Variants in DMD observed in about 807,000 individuals in gnomAD.
DMD encodes mutant dystrophin.
DMD carries 63 observed loss-of-function variants against 330.1 expected under a neutral mutation model. That is an observed-to-expected ratio of 0.19 (90% CI 0.16 to 0.24). The LOEUF (loss-of-function observed/expected upper bound fraction) is 0.24. Among genes scored for constraint, DMD ranks in the 10% least tolerant of loss-of-function variants. The pLI, the probability that DMD is intolerant of heterozygous loss-of-function variation, is 1.00. For missense variants in DMD, 3,344 were observed against 2,684.1 expected (o/e 1.25, Z -5.43); for synonymous variants, 1,223 against 959.8 (o/e 1.27, Z -5.07).
intron 7 of DMD, among the ~76,000 whole-genome samples, chrX:32,789,810 T>A (rs1338448116): frequency 8.9e-6 from 1 of 111,932 alleles, no homozygotes; most frequent in African/African-American, 3.2e-5. Context: ...AAAAGGAACT[T>A]GCAAATTTGA....
rs756542804 is a variant in DMD, at chrX:31,749,965, T to C, written c.7543-20217A>G. The stretch of plus-strand genomic sequence containing the variant: ...TTCTTTTGAGAAGTGTCTGTTCATG[T>C]CCTTCGCCCACTTTTGGATGGGGTT... On this transcript the variant is annotated intron_variant, in intron 51 of 78. Transcript: ENST00000357033. 8.9e-3 allele frequency among the ~76,000 whole-genome samples: 956 copies of C among 107,969 alleles called. 4 individuals carry two copies. The highest frequency in any genetic ancestry group is 0.013 in the Non-Finnish European group (664 of 52,178). 93.8% of individuals were successfully genotyped at this position (107,969 alleles called of 115,157 possible). A position where few individuals can be genotyped will look rare whatever the true frequency, so the allele number is the denominator to read the frequency against.
rs754785624 is a variant in DMD at position 32,180,094 on chromosome X, T to C, written c.6438+36822A>G. Among the ~76,000 whole-genome samples, 5 of 112,323 alleles carry C rather than the reference T, an allele frequency of 4.5e-5. No individual in the cohort carries two copies. In the South Asian group the frequency reaches 1.9e-3, roughly 42 times the overall value. ...TTCTCGATTGATGTCTGATGGAGAC[T>C]AAGTGCTTAATATGAAAACAGAACT... On this transcript the variant is annotated intron_variant, in intron 44 of 78. Transcript: ENST00000357033.
chrX:32,905,317 C>T (rs897391638), intron 2 of DMD, among the ~76,000 whole-genome samples: 2 of 111,349 alleles, frequency 1.8e-5, no homozygotes, highest in Non-Finnish European at 1.9e-5. Flanking sequence ...TAGACTAATC[C>T]CCTTAGCAAA....
chrX:33,030,748 A>T (rs1485401791), intron 1 of DMD, among the ~76,000 whole-genome samples: 1 of 111,552 alleles, frequency 9.0e-6, no homozygotes, highest in African/African-American at 3.3e-5. Context: ...CCTACTCAAT[A>T]TTACTTTTAA....
chrX:32,323,740 G>A (rs2097634242), intron 41 of DMD, among the ~76,000 whole-genome samples: 1 of 111,253 alleles, frequency 9.0e-6, no homozygotes, highest in Non-Finnish European at 1.9e-5. Flanking sequence ...AGATGCAGTA[G>A]AGTGCAGTGA....
chrX:32,853,481 T>C (rs2081295215), intron 2 of DMD, among the ~76,000 whole-genome samples: 1 of 111,652 alleles, frequency 9.0e-6, no homozygotes, highest in South Asian at 3.7e-4. Flanking sequence ...TAATTAGTTT[T>C]CTCTTTGCTT....
intron 74 of DMD, among the ~76,000 whole-genome samples, chrX:31,167,263 CTG>C (rs2039516597): frequency 8.9e-6 from 1 of 111,801 alleles, no homozygotes; most frequent in Non-Finnish European, 1.9e-5. Context: ...CTCTAAGAAC[CTG>C]TGTCTCATTC....
At chrX:32,519,077 T>C (rs1199186526) in intron 17 of DMD, among the ~76,000 whole-genome samples, 1 of 99,275 alleles carries the variant, frequency 1.0e-5, no homozygotes, top group Non-Finnish European at 2.0e-5. Context: ...AATCTGGTGA[T>C]TTAGGTATAG....
At chrX:31,805,197 C>T (rs1473037574) in intron 50 of DMD, among the ~76,000 whole-genome samples, 1 of 111,932 alleles carries the variant, frequency 8.9e-6, no homozygotes, top group African/African-American at 3.2e-5. Flanking sequence ...CTGATGGTGA[C>T]ATCTCCTGCT....
chrX:32,457,940 T>C (rs1247148020), intron 25 of DMD, among the ~76,000 whole-genome samples: 2 of 111,115 alleles, frequency 1.8e-5, no homozygotes, highest in Non-Finnish European at 3.8e-5. Context: ...AGTATACATG[T>C]TTTATAATTC....
chrX:32,029,511 C>G (rs1447992239), intron 44 of DMD, among the ~76,000 whole-genome samples: 1 of 111,190 alleles, frequency 9.0e-6, no homozygotes, highest in African/African-American at 3.3e-5. Context: ...TAGAAGATCA[C>G]AGTAAGTTCT....
rs190887445 is a variant in DMD at position 33,330,619 on chromosome X, C to G, written c.7+8640G>C. On this transcript the variant is annotated intron_variant, in intron 1 of 17. Coordinates refer to the DMD transcript ENST00000288447. ...AAATCCTCCTGAAAGTTTGCATGGT[C>G]ATGCTCATGCTAGCTTTAATCATAT... 3.4e-3 allele frequency among the ~76,000 whole-genome samples: 379 copies of G among 111,805 alleles called. 1 individual carries two copies. Among genetic ancestry groups the G allele is most frequent in the Middle Eastern group, 9.2e-3 (2 of 217 alleles).
At chrX:31,771,513 T>C (rs2090336733) in intron 51 of DMD, among the ~76,000 whole-genome samples, 1 of 109,965 alleles carries the variant, frequency 9.1e-6, no homozygotes, top group African/African-American at 3.3e-5. Context: ...CTAAATTTTT[T>C]TTTTTCTGAG....
intron 44 of DMD, among the ~76,000 whole-genome samples, chrX:32,105,554 G>C (rs2096560476): frequency 8.9e-6 from 1 of 111,845 alleles, no homozygotes; most frequent in South Asian, 3.7e-4. Context: ...GATAGAGGTA[G>C]ACTTTCTTCT....
chrX:31,222,916 A>G (rs1251525070), intron 64 of DMD, 131 bp downstream of exon 64: 1 of 570,433 alleles, frequency 1.8e-6, no homozygotes. Flanking sequence ...TACATTAAAG[A>G]ATGAATTATA....
At chrX:31,553,414 G>T (rs1705024953) in intron 55 of DMD, among the ~76,000 whole-genome samples, 1 of 111,575 alleles carries the variant, frequency 9.0e-6, no homozygotes, top group African/African-American at 3.3e-5. Flanking sequence ...ATAACTATTA[G>T]GTTGGTGCAA....
At chrX:32,641,391 A>G (rs927381572) in intron 11 of DMD, 30 of 101,200 alleles carry the variant, frequency 3.0e-4, no homozygotes, top group African/African-American at 1.3e-3. Context: ...ATAGAGAGAT[A>G]TATGTGTATT....
intron 7 of DMD, among the ~76,000 whole-genome samples, chrX:32,749,401 C>A (rs759742027): frequency 1.8e-5 from 2 of 111,894 alleles, no homozygotes; most frequent in African/African-American, 3.2e-5. Context: ...GAAATAGATG[C>A]CTAAAATTCT....
At chrX:31,807,305 G>T (rs2149372335) in intron 50 of DMD, among the ~76,000 whole-genome samples, 1 of 111,847 alleles carries the variant, frequency 8.9e-6, no homozygotes, top group Non-Finnish European at 1.9e-5. Context: ...TAAATGAAGT[G>T]CTGTTTAAAC....
Sources: allele counts gnomAD v4.1 joint callset (sites outside exome capture counted in the v4.1 genomes callset), GRCh38; gene constraint gnomAD v4.1.1; transcripts MANE v1.5; gene names NCBI Gene and HGNC (gene_info 2026-07-23, HGNC 2026-07-21).